NELL1: variants seen among roughly 807,000 people sequenced by gnomAD.
The protein encoded by NELL1 is protein kinase C-binding protein NELL1.
NELL1 carries 76 observed loss-of-function variants against 107.4 expected under a neutral mutation model. The observed-to-expected ratio is 0.71, with a 90% CI of 0.59 to 0.86. The LOEUF (loss-of-function observed/expected upper bound fraction) is 0.86. Ranked by LOEUF, NELL1 falls within the 40% of genes least tolerant of loss-of-function variation. The pLI is 0.00. For missense variants in NELL1, 1,024 were observed against 1,005.5 expected (o/e 1.02, Z -0.25); for synonymous variants, 353 against 341.2 (o/e 1.03, Z -0.38).
chr11:20,822,630 G>C lies in NELL1; in HGVS notation c.336-24953G>C, dbSNP rs180846900. Among the ~76,000 whole-genome samples the C allele has an allele frequency of 2.6e-5, 4 of 152,238 alleles. No individual in the cohort carries two copies. The East Asian group carries it at 5.8e-4, about 22-fold the overall frequency. On this transcript the variant is annotated intron_variant, in intron 3 of 19. Transcript: ENST00000357134. ...TGGCAGATTTTGACAGTTCACCAGT[G>C]TCAGGGGTAGCAAGGTAGTTCTTAC...
Position 21,575,397 on chromosome 11 carries a change from C to G in NELL1, c.*375C>G, listed in dbSNP as rs1055741341. 7.7e-5 allele frequency: 13 copies of G among 168,052 alleles called. No homozygotes were observed. The highest frequency in any genetic ancestry group is 3.1e-4 in the African/African-American group (13 of 41,814). 10.4% of individuals were successfully genotyped at this position (168,052 alleles called of 1,614,324 possible). A position where few individuals can be genotyped will look rare whatever the true frequency, so the allele number is the denominator to read the frequency against. On this transcript the variant is annotated 3_prime_UTR_variant, in exon 20 of 20. Coordinates refer to ENST00000357134, the MANE Select transcript of NELL1 (RefSeq NM_006157.5). ...TAACATAATAGAGAGAGACTCAGCT[C>G]CTTTTATTTATTTTGTTGATTTATG...
intron 15 of NELL1, among the ~76,000 whole-genome samples, chr11:21,408,707 A>G (rs973704585): frequency 6.6e-6 from 1 of 151,990 alleles, no homozygotes; most frequent in African/African-American, 2.4e-5. Context: ...TTTTGTTGCC[A>G]TTGCTTTTGG....
chr11:20,990,297 T>G (rs1174587982), intron 12 of NELL1, among the ~76,000 whole-genome samples: 2 of 152,228 alleles, frequency 1.3e-5, no homozygotes, highest in East Asian at 3.9e-4. Context: ...TTTAGATCCT[T>G]TTCTTAATAG....
chr11:20,849,784 T>C (rs1328691884), intron 4 of NELL1, among the ~76,000 whole-genome samples: 1 of 152,132 alleles, frequency 6.6e-6, no homozygotes, highest in Non-Finnish European at 1.5e-5. Flanking sequence ...AAATTTTGAT[T>C]TTCATGTAGG....
At chr11:21,076,303 G>T (rs567306962) in intron 12 of NELL1, among the ~76,000 whole-genome samples, 2 of 152,274 alleles carry the variant, frequency 1.3e-5, no homozygotes, top group East Asian at 3.9e-4. Flanking sequence ...CCTCTTCATT[G>T]GCCCCTCACT....
At chr11:20,997,181 A>G (rs1195987840) in intron 12 of NELL1, among the ~76,000 whole-genome samples, 1 of 152,226 alleles carries the variant, frequency 6.6e-6, no homozygotes, top group Non-Finnish European at 1.5e-5. Context: ...TGGTACAATA[A>G]TATTTGTTGG....
intron 14 of NELL1, among the ~76,000 whole-genome samples, chr11:21,235,024 A>T (rs1858169319): frequency 6.6e-6 from 1 of 152,130 alleles, no homozygotes; most frequent in African/African-American, 2.4e-5. Context: ...AAATTTGGGG[A>T]GTTTGAAGAA....
At chr11:20,979,772 A>T (rs1257293435) in intron 12 of NELL1, among the ~76,000 whole-genome samples, 1 of 152,166 alleles carries the variant, frequency 6.6e-6, no homozygotes, top group Non-Finnish European at 1.5e-5. Flanking sequence ...CCAGGCTAAC[A>T]GTAGGTATTG....
intron 3 of NELL1, among the ~76,000 whole-genome samples, chr11:20,796,608 G>A (rs1272338359): frequency 6.6e-6 from 1 of 152,092 alleles, no homozygotes; most frequent in Non-Finnish European, 1.5e-5. Context: ...ACAAATATTG[G>A]GTGTCTATGA....
At chr11:21,143,753 G>C (rs185876568) in intron 13 of NELL1, among the ~76,000 whole-genome samples, 43 of 152,210 alleles carry the variant, frequency 2.8e-4, no homozygotes, top group Non-Finnish European at 5.3e-4. Flanking sequence ...GGTGACCATT[G>C]GTTATTTTTC....
chr11:20,978,547 C>T (rs575881499), intron 12 of NELL1, among the ~76,000 whole-genome samples: 1 of 152,158 alleles, frequency 6.6e-6, no homozygotes, highest in East Asian at 1.9e-4. Context: ...ATTTGTGTAT[C>T]TTAGATAGAA....
chr11:20,871,474 G>GTATC (rs989061702), intron 4 of NELL1, among the ~76,000 whole-genome samples: 2 of 152,012 alleles, frequency 1.3e-5, no homozygotes, highest in African/African-American at 4.8e-5. Context: ...ATCTATCTAT[G>GTATC]TATCTATCTA....
At chr11:21,366,826 G>A (rs1025502069) in intron 14 of NELL1, among the ~76,000 whole-genome samples, 5 of 152,064 alleles carry the variant, frequency 3.3e-5, no homozygotes, top group African/African-American at 9.7e-5. Context: ...ACTGTTTCAG[G>A]ATTTCAGGGT....
At chr11:21,072,270 G>A (rs989756849) in intron 12 of NELL1, among the ~76,000 whole-genome samples, 16 of 152,072 alleles carry the variant, frequency 1.1e-4, no homozygotes, top group African/African-American at 2.2e-4. Context: ...GCAATGGCCC[G>A]AAATAGAATT....
At chr11:20,975,463 A>G (rs1375723225) in intron 12 of NELL1, among the ~76,000 whole-genome samples, 1 of 149,018 alleles carries the variant, frequency 6.7e-6, no homozygotes, top group Non-Finnish European at 1.5e-5. Flanking sequence ...TTCAAAATAG[A>G]TATTTCTTAT....
At chr11:21,131,108 AC>A (rs1855605600) in intron 13 of NELL1, among the ~76,000 whole-genome samples, 1 of 152,118 alleles carries the variant, frequency 6.6e-6, no homozygotes, top group East Asian at 1.9e-4. Flanking sequence ...TAATGCTGGA[AC>A]TTTTGCCTCT....
At chr11:20,928,253 T>G in intron 8 of NELL1, 124 bp from the exon 9 acceptor site, 1 of 863,170 alleles carries the variant, frequency 1.2e-6, no homozygotes, top group Non-Finnish European at 2.0e-6. Flanking sequence ...TGGAGTGGAC[T>G]GGGAATTCGA....
rs568456429 is a variant in NELL1, at chr11:21,148,355, G to A, written c.1426+34641G>A. 7.2e-5 allele frequency among the ~76,000 whole-genome samples: 11 copies of A among 152,144 alleles called. No individual in the cohort carries two copies. The South Asian group carries it at 8.3e-4, about 11-fold the overall frequency. ...TGATTTTAATAGATCATGAGAGGTC[G>A]CCGGGGGGAGGGTGGATACTGGGAG... On this transcript the variant is annotated intron_variant, in intron 13 of 19. Transcript: ENST00000357134.
At chr11:21,039,502 A>G (rs1853176499) in intron 12 of NELL1, among the ~76,000 whole-genome samples, 1 of 152,056 alleles carries the variant, frequency 6.6e-6, no homozygotes, top group Non-Finnish European at 1.5e-5. Flanking sequence ...TTTTCTTTTT[A>G]AAGTTTATGT....
Sources: allele counts gnomAD v4.1 joint callset (sites outside exome capture counted in the v4.1 genomes callset), GRCh38; gene constraint gnomAD v4.1.1; transcripts MANE v1.5; gene names NCBI Gene and HGNC (gene_info 2026-07-23, HGNC 2026-07-21).